ANO10: variants seen among roughly 807,000 people sequenced by gnomAD.
The protein encoded by ANO10 is anoctamin-10.
ANO10 carries 77 observed loss-of-function variants against 74.7 expected under a neutral mutation model. The ratio of observed to expected loss-of-function variants is 1.03; its 90% confidence interval spans 0.86 to 1.25. The LOEUF (loss-of-function observed/expected upper bound fraction) is 1.25, where lower values mean the gene tolerates loss of function less well. Ranked by LOEUF, ANO10 falls within the 50% of genes most tolerant of loss-of-function variation. The pLI is 0.00. For missense variants in ANO10, 721 were observed against 778.1 expected (o/e 0.93, Z 0.87); for synonymous variants, 279 against 284.9 (o/e 0.98, Z 0.21).
At chr3:43,656,801 G>A (rs575621180) in intron 1 of ANO10, among the ~76,000 whole-genome samples, 13 of 152,316 alleles carry the variant, frequency 8.5e-5, no homozygotes, top group African/African-American at 2.2e-4. Flanking sequence ...TCCTGCTCGC[G>A]CCTCTCCCTC....
rs9811685 is a variant in ANO10, at chr3:43,386,829, C to T, written c.1915-19855G>A. The stretch of plus-strand genomic sequence containing the variant: ...TGGTCCTGCTGAGGGAAAGGGGGTT[C>T]AACCTGGAGAAAGCCGCCTATGAGT... On this transcript the variant is annotated intron_variant, in intron 12 of 12. Coordinates refer to ENST00000292246, the MANE Select transcript of ANO10 (RefSeq NM_018075.5). Among the ~76,000 whole-genome samples the T allele has an allele frequency of 9.1e-4, 139 of 152,196 alleles. 1 individual carries two copies. The highest frequency in any genetic ancestry group is 3.3e-3 in the African/African-American group (138 of 41,518).
At chr3:43,467,494 T>G (rs1459292771) in intron 11 of ANO10, among the ~76,000 whole-genome samples, 1 of 152,222 alleles carries the variant, frequency 6.6e-6, no homozygotes, top group Non-Finnish European at 1.5e-5. Flanking sequence ...ATATAAAGAA[T>G]ACTTACTATG....
chr3:43,525,717 G>A (rs967758241), intron 11 of ANO10, among the ~76,000 whole-genome samples: 5 of 152,184 alleles, frequency 3.3e-5, no homozygotes, highest in Admixed American at 6.5e-5. Flanking sequence ...AAATAAGCTT[G>A]CAAGTGGTGG....
intron 1 of ANO10, among the ~76,000 whole-genome samples, chr3:43,669,110 T>C (rs1465429075): frequency 6.6e-6 from 1 of 152,122 alleles, no homozygotes; most frequent in Admixed American, 6.5e-5. Flanking sequence ...CAGTTTTTTT[T>C]CCTCCCTTAG....
intron 11 of ANO10, among the ~76,000 whole-genome samples, chr3:43,544,472 C>A (rs1464613339): frequency 6.6e-6 from 1 of 151,786 alleles, no homozygotes; most frequent in African/African-American, 2.4e-5. Flanking sequence ...TCAGTTTCAT[C>A]TGTACTAAAT....
At chr3:43,480,345 C>A (rs2076221174) in intron 11 of ANO10, among the ~76,000 whole-genome samples, 1 of 152,186 alleles carries the variant, frequency 6.6e-6, no homozygotes, top group Non-Finnish European at 1.5e-5. Flanking sequence ...CAGGTGTCTG[C>A]AAGTGTTAAG....
At chr3:43,548,652 T>C (rs781766053) in intron 11 of ANO10, among the ~76,000 whole-genome samples, 3 of 152,232 alleles carry the variant, frequency 2.0e-5, no homozygotes, top group Non-Finnish European at 4.4e-5. Context: ...CTTAAGTATA[T>C]GAAACACCAT....
At chr3:43,647,797 C>T (rs1027536830) in intron 1 of ANO10, among the ~76,000 whole-genome samples, 1 of 152,186 alleles carries the variant, frequency 6.6e-6, no homozygotes, top group Non-Finnish European at 1.5e-5. Flanking sequence ...AGTAGTGTGA[C>T]ATAGATAGAC....
chr3:43,382,347 G>A (rs942507423), intron 12 of ANO10, among the ~76,000 whole-genome samples: 3 of 151,876 alleles, frequency 2.0e-5, no homozygotes, highest in South Asian at 2.1e-4. Context: ...GTGAAACCCC[G>A]TCTCTACTAA....
intron 11 of ANO10, among the ~76,000 whole-genome samples, chr3:43,449,657 A>G (rs73081047): frequency 0.027 from 4,005 of 150,558 alleles, 79 homozygotes; most frequent in Non-Finnish European, 0.039. Context: ...TTATTTGTCT[A>G]TTCTTTCACC....
intron 1 of ANO10, among the ~76,000 whole-genome samples, chr3:43,683,689 G>T (rs1274693310): frequency 1.3e-5 from 2 of 152,136 alleles, no homozygotes; most frequent in African/African-American, 4.8e-5. Context: ...ATACTACAAG[G>T]CTACAGTAAC....
At position 43,561,340 on chromosome 3, in the gene ANO10, A is replaced by T. The variant is rs781292796; in HGVS notation, c.1356T>A (p.Pro452=). 3 of 1,614,190 alleles carry T rather than the reference A, an allele frequency of 1.9e-6. No individual in the cohort carries two copies. The highest frequency in any genetic ancestry group is 2.5e-6 in the Non-Finnish European group (3 of 1,180,028). Residue 452 remains proline (P), a synonymous_variant, in exon 9 of 13, where the codon CCT becomes CCA. Coordinates refer to ENST00000292246, the MANE Select transcript of ANO10 (RefSeq NM_018075.5). ...CACCATGCTTCCTTTGGAGCCAATA[A>T]GGAAGAAAAGATTCCATAATTTGGT... ...ILNQIMESFL[P]YWLQRKHGVR... is the part of the protein sequence containing the mutation.
intron 4 of ANO10, among the ~76,000 whole-genome samples, chr3:43,596,661 T>A: frequency 6.6e-6 from 1 of 152,320 alleles, no homozygotes; most frequent in Middle Eastern, 3.4e-3. Flanking sequence ...TTAAAAACCC[T>A]AGAAGAAAAC....
chr3:43,489,968 G>C (rs1482553287), intron 11 of ANO10, among the ~76,000 whole-genome samples: 1 of 152,106 alleles, frequency 6.6e-6, no homozygotes, highest in Non-Finnish European at 1.5e-5. Flanking sequence ...CGAATCACTG[G>C]AAAAGAATAA....
chr3:43,450,472 C>T (rs1314667243), intron 11 of ANO10, among the ~76,000 whole-genome samples: 4 of 152,068 alleles, frequency 2.6e-5, no homozygotes, highest in Non-Finnish European at 5.9e-5. Context: ...ACCCAGGAGG[C>T]GGAGGTTGCA....
intron 11 of ANO10, among the ~76,000 whole-genome samples, chr3:43,484,149 T>G (rs1328460906): frequency 6.6e-6 from 1 of 151,950 alleles, no homozygotes; most frequent in African/African-American, 2.4e-5. Context: ...CCCAGGCTGG[T>G]CTCAATCTCC....
At chr3:43,571,483 C>T (rs1411058335) in intron 7 of ANO10, among the ~76,000 whole-genome samples, 2 of 152,058 alleles carry the variant, frequency 1.3e-5, no homozygotes, top group East Asian at 1.9e-4. Context: ...GGCACATATA[C>T]ACCATGGAAT....
At chr3:43,641,518 C>T (rs2083669913) in intron 1 of ANO10, among the ~76,000 whole-genome samples, 1 of 152,192 alleles carries the variant, frequency 6.6e-6, no homozygotes, top group African/African-American at 2.4e-5. Context: ...CATTGCCACA[C>T]CAAAGCCAAT....
At chr3:43,691,392 A>C (rs1243254964) in intron 1 of ANO10, 1 of 188,210 alleles carries the variant, frequency 5.3e-6, no homozygotes, top group Non-Finnish European at 1.1e-5. Flanking sequence ...GGCTCTGCCA[A>C]GGGACCCGGC....
Sources: gnomAD v4.1 joint callset for allele counts (sites outside exome capture counted in the v4.1 genomes callset) on GRCh38, gnomAD v4.1.1 for gene constraint, MANE v1.5 for transcripts, NCBI Gene and HGNC (gene_info 2026-07-23, HGNC 2026-07-21) for gene names.